GPHN: variants seen among roughly 807,000 people sequenced by gnomAD.
GPHN encodes gephyrin.
GPHN carries 17 observed loss-of-function variants against 95.5 expected under a neutral mutation model. The observed-to-expected ratio is 0.18, with a 90% CI of 0.12 to 0.27. GPHN has a LOEUF of 0.27. Ranked by LOEUF, GPHN falls within the 10% of genes least tolerant of loss-of-function variation. The pLI is 1.00. For synonymous variants in GPHN, 320 were observed against 322.5 expected (o/e 0.99, Z 0.08); for missense variants, 660 against 978.1 (o/e 0.67, Z 4.34).
chr14:66,978,111 C>G (rs1043557342), intron 9 of GPHN, among the ~76,000 whole-genome samples: 2 of 152,174 alleles, frequency 1.3e-5, no homozygotes, highest in African/African-American at 4.8e-5. Context: ...TTAAAAAATA[C>G]GTTAGTCCTA....
rs890328779 is a variant in GPHN, at chr14:66,707,701, G to A, written c.143+26516G>A. ...CGAGGTTAGGGAACTTAAAGGATGG[G>A]TCAATAGGTGCAGTAAATCACTGTG... On this transcript the variant is annotated intron_variant, in intron 2 of 22. Transcript: ENST00000478722. Among the ~76,000 whole-genome samples, 30 of 151,842 alleles carry A rather than the reference G, an allele frequency of 2.0e-4. 1 individual carries two copies. Among genetic ancestry groups the A allele is most frequent in the Non-Finnish European group, 1.5e-5 (1 of 67,852 alleles).
At chr14:67,261,172 GAC>G in the GPHN span, among the ~76,000 whole-genome samples, 1 of 152,146 alleles carries the variant, frequency 6.6e-6, no homozygotes, top group Non-Finnish European at 1.5e-5. Context: ...TTAAAGAAAA[GAC>G]AATAAAAACT....
chr14:67,087,903 C>CT (rs1339734959), intron 11 of GPHN, among the ~76,000 whole-genome samples: 3 of 151,614 alleles, frequency 2.0e-5, no homozygotes, highest in African/African-American at 7.3e-5. Context: ...TTTTGCTTTC[C>CT]TTTTTTTAAA....
the GPHN span, among the ~76,000 whole-genome samples, chr14:67,560,705 T>C: frequency 1.6e-3 from 246 of 152,068 alleles, no homozygotes; most frequent in Middle Eastern, 0.037. Context: ...GAATTGCAGT[T>C]TGGAAAAGGA....
the GPHN span, among the ~76,000 whole-genome samples, chr14:67,529,495 G>T: frequency 6.6e-6 from 1 of 152,128 alleles, no homozygotes; most frequent in Non-Finnish European, 1.5e-5. Flanking sequence ...TGAAAGAAGA[G>T]TCCATACTTA....
chr14:66,569,306 T>G (rs1208307602), intron 1 of GPHN, among the ~76,000 whole-genome samples: 2 of 152,180 alleles, frequency 1.3e-5, no homozygotes, highest in Non-Finnish European at 2.9e-5. Context: ...TTTTTGTAGC[T>G]CAGCAACTTT....
chr14:67,142,674 C>G (rs1291006944), intron 17 of GPHN, among the ~76,000 whole-genome samples: 2 of 152,124 alleles, frequency 1.3e-5, no homozygotes, highest in Non-Finnish European at 2.9e-5. Flanking sequence ...AGGGATCCTC[C>G]CCCCTCCATT....
At chr14:67,066,563 A>G (rs1192269447) in intron 11 of GPHN, among the ~76,000 whole-genome samples, 1 of 152,204 alleles carries the variant, frequency 6.6e-6, no homozygotes, top group African/African-American at 2.4e-5. Context: ...TTTGAAGTAC[A>G]ACAATCAAAT....
intron 2 of GPHN, among the ~76,000 whole-genome samples, chr14:66,768,320 G>A (rs1042435405): frequency 6.6e-6 from 1 of 151,900 alleles, no homozygotes; most frequent in African/African-American, 2.4e-5. Flanking sequence ...TATGGCATGA[G>A]AAATTAGAAT....
chr14:67,269,842 A>G, the GPHN span: 2 of 152,610 alleles, frequency 1.3e-5, no homozygotes, highest in South Asian at 4.1e-4. Flanking sequence ...AGCTGTTTCT[A>G]TGGAAACAAA....
At chr14:67,642,754 GA>G in the GPHN span, among the ~76,000 whole-genome samples, 1 of 141,468 alleles carries the variant, frequency 7.1e-6, no homozygotes, top group Admixed American at 7.3e-5. Flanking sequence ...TCTGCTAATA[GA>G]CCTGTTAGAA....
the GPHN span, among the ~76,000 whole-genome samples, chr14:67,403,209 T>C: frequency 6.6e-6 from 1 of 152,238 alleles, no homozygotes; most frequent in Non-Finnish European, 1.5e-5. Context: ...TTTTTGCCAT[T>C]TGTATGTCTT....
At chr14:67,626,658 C>T in the GPHN span, among the ~76,000 whole-genome samples, 2 of 152,116 alleles carry the variant, frequency 1.3e-5, no homozygotes, top group African/African-American at 4.8e-5. Flanking sequence ...TTTAATTTTG[C>T]CATGTTGGCC....
At chr14:67,253,432 T>G in the GPHN span, among the ~76,000 whole-genome samples, 2 of 152,340 alleles carry the variant, frequency 1.3e-5, no homozygotes, top group South Asian at 4.1e-4. Context: ...AACAGTTTAC[T>G]TATATAGTGA....
At position 66,953,524 on chromosome 14, in the gene GPHN, C is replaced by A. The variant is rs1265890229; in HGVS notation, c.829-11667C>A. ...TGTATGGTGTAAGGCAAGGCTTCAA[C>A]TTCATTCTTTTGCATATGGATATGC... On this transcript the variant is annotated intron_variant, in intron 8 of 22. Transcript: ENST00000478722. 2.0e-5 allele frequency among the ~76,000 whole-genome samples: 3 copies of A among 152,174 alleles called. No homozygotes were observed. In the East Asian group the frequency reaches 5.8e-4, roughly 29 times the overall value.
chr14:67,185,498 A>G (rs1454878200), downstream of GPHN, among the ~76,000 whole-genome samples: 1 of 152,238 alleles, frequency 6.6e-6, no homozygotes, highest in Non-Finnish European at 1.5e-5. Flanking sequence ...AAATTATATA[A>G]GAAGCATGTT....
At chr14:67,594,490 T>C in the GPHN span, among the ~76,000 whole-genome samples, 1 of 151,154 alleles carries the variant, frequency 6.6e-6, no homozygotes, top group Non-Finnish European at 1.5e-5. Flanking sequence ...CTACTAAAAA[T>C]ACAAAAAGTA....
chr14:67,258,253 G>A, the GPHN span, among the ~76,000 whole-genome samples: 1 of 152,042 alleles, frequency 6.6e-6, no homozygotes, highest in South Asian at 2.1e-4. Context: ...TTTGATAATA[G>A]GCCAGGCACC....
chr14:66,703,093 TA>T (rs2068717547), intron 2 of GPHN, among the ~76,000 whole-genome samples: 1 of 151,580 alleles, frequency 6.6e-6, no homozygotes, highest in African/African-American at 2.4e-5. Flanking sequence ...AGAGTAGAGA[TA>T]AAAGAATGAA....
Sources: gnomAD v4.1 joint callset for allele counts (sites outside exome capture counted in the v4.1 genomes callset) on GRCh38, gnomAD v4.1.1 for gene constraint, MANE v1.5 for transcripts, NCBI Gene and HGNC (gene_info 2026-07-23, HGNC 2026-07-21) for gene names.